GRIK5: variants seen among roughly 807,000 people sequenced by gnomAD.
The protein encoded by GRIK5 is glutamate ionotropic receptor kainate type subunit 5.
GRIK5 carries 43 observed loss-of-function variants against 97.4 expected under a neutral mutation model. The ratio of observed to expected loss-of-function variants is 0.44; its 90% CI spans 0.35 to 0.57. The LOEUF is 0.57. Ranked by LOEUF, GRIK5 falls within the 20% of genes least tolerant of loss-of-function variation. The pLI, the probability that GRIK5 is intolerant of heterozygous loss-of-function variation, is 0.01. For synonymous variants in GRIK5, 580 were observed against 583.5 expected, an observed-to-expected ratio of 0.99 and a Z score of 0.09; for missense variants, 1,015 against 1,382.0, an observed-to-expected ratio of 0.73 and a Z score of 4.21.
chr19:42,056,008 C>T (rs556585417), intron 8 of GRIK5, among the ~76,000 whole-genome samples: 19 of 144,338 alleles, frequency 1.3e-4, no homozygotes, highest in Admixed American at 1.2e-3. Context: ...TTTTTTGAGA[C>T]GGAGTCTCGC....
chr19:42,065,248 G>A lies in GRIK5; in HGVS notation c.219C>T (p.Asp73=). 6.2e-7 allele frequency: 1 copy of A among 1,612,808 alleles called. No individual in the cohort carries two copies. The highest frequency in any genetic ancestry group is 1.1e-5 in the South Asian group (1 of 90,968). The change falls in exon 3 of 20, where the codon GAC becomes GAT. Residue 73 remains aspartate (D), a synonymous_variant. Coordinates refer to ENST00000593562, the MANE Select transcript of GRIK5 (RefSeq NM_002088.5). This position sits in a 1 kb window ranked among gnomAD's most constrained non-coding sequence, Gnocchi z 5.8. ...TGGTGTCCGTGGTCTCGTACTGGCTGTCCCGCTGCAGCTCAAAGATGTCTA... is the reference window on the plus strand; with the variant it reads ...TGGTGTCCGTGGTCTCGTACTGGCTATCCCGCTGCAGCTCAAAGATGTCTA... ...VEVDIFELQR[D]SQYETTDTMC... is the part of the protein sequence containing the mutation.
Position 42,002,749 on chromosome 19 carries a change from T to C in GRIK5, c.2514+583A>G, listed in dbSNP as rs557417115. Among the ~76,000 whole-genome samples the C allele has an allele frequency of 9.9e-5, 15 of 152,252 alleles. No individual in the cohort carries two copies. The highest frequency in any genetic ancestry group is 3.6e-4 in the African/African-American group (15 of 41,536). On this transcript the variant is annotated intron_variant, in intron 19 of 19. Transcript: ENST00000593562. The surrounding 1 kb of genome is among the most constrained non-coding windows in gnomAD (Gnocchi z 5.2). ...ACACAGTGTGGGACCAGTCCAGGGC[T>C]GTGTCCTCTTCTGGTTCCCTCTGTC...
At chr19:42,057,975 C>A (rs2146159584) in intron 6 of GRIK5, among the ~76,000 whole-genome samples, 1 of 152,260 alleles carries the variant, frequency 6.6e-6, no homozygotes, top group Non-Finnish European at 1.5e-5. Flanking sequence ...GGGCTCTCAT[C>A]ACGTGGGTGT....
At chr19:42,030,664 A>G (rs1034883808) in intron 12 of GRIK5, among the ~76,000 whole-genome samples, 1 of 151,192 alleles carries the variant, frequency 6.6e-6, no homozygotes, top group African/African-American at 2.4e-5. Flanking sequence ...AGGTCCTGCT[A>G]TGTTGCTGAG....
chr19:42,011,552 C>CA lies in GRIK5; in HGVS notation c.1872-4743dup, dbSNP rs58029855. On this transcript the variant is annotated intron_variant, in intron 15 of 19. Transcript: ENST00000593562. The stretch of plus-strand genomic sequence containing the variant: ...TGGGGGACAGAGCGAGACTCCGTCT[C>CA]AAAAAAAAAAAAAAAAAGTATTTTG... 3.0e-3 allele frequency among the ~76,000 whole-genome samples: 192 copies of CA among 64,850 alleles called. 2 individuals are homozygous for CA. The highest frequency in any genetic ancestry group is 4.4e-3 in the African/African-American group (69 of 15,794). 42.5% of individuals were successfully genotyped at this position (64,850 alleles called of 152,430 possible). A position where few individuals can be genotyped will look rare whatever the true frequency, so the allele number is the denominator to read the frequency against.
At chr19:42,057,259 T>C (rs188665673) in intron 6 of GRIK5, among the ~76,000 whole-genome samples, 29 of 152,192 alleles carry the variant, frequency 1.9e-4, no homozygotes, top group African/African-American at 6.7e-4. Context: ...GAGATTTTGC[T>C]AGAGGAGAGA....
chr19:42,011,049 C>T (rs1472802134), intron 15 of GRIK5, among the ~76,000 whole-genome samples: 5 of 151,740 alleles, frequency 3.3e-5, no homozygotes, highest in Admixed American at 2.6e-4. Flanking sequence ...TCAAGGAATC[C>T]TCCAGCCTCG....
At chr19:42,048,340 G>T (rs1210537631) in intron 11 of GRIK5, among the ~76,000 whole-genome samples, 2 of 152,238 alleles carry the variant, frequency 1.3e-5, no homozygotes, top group African/African-American at 4.8e-5. Context: ...CTCACAATCA[G>T]GCTGGGCGCA....
chr19:42,028,219 T>C (rs1436100570), intron 12 of GRIK5, among the ~76,000 whole-genome samples: 1 of 152,040 alleles, frequency 6.6e-6, no homozygotes, highest in Non-Finnish European at 1.5e-5. Flanking sequence ...AGTTATTTAA[T>C]CTCTGAAATG....
chr19:42,007,975 G>A (rs576691158), intron 15 of GRIK5, among the ~76,000 whole-genome samples: 1 of 151,770 alleles, frequency 6.6e-6, no homozygotes, highest in African/African-American at 2.4e-5. Flanking sequence ...TCCAGAAAAA[G>A]TTTATAAATA....
At chr19:42,054,537 G>T in intron 8 of GRIK5, 65 bp from the exon 9 acceptor site, 1 of 1,566,214 alleles carries the variant, frequency 6.4e-7, no homozygotes, top group Admixed American at 1.7e-5. Flanking sequence ...AGCCCCAAAG[G>T]CCCCTGAGCT....
At chr19:42,045,657 T>C (rs1319846860) in intron 11 of GRIK5, among the ~76,000 whole-genome samples, 1 of 152,176 alleles carries the variant, frequency 6.6e-6, no homozygotes, top group Non-Finnish European at 1.5e-5. Flanking sequence ...GGGCAGTCAG[T>C]GATTCTCTAT....
rs2075444861 is a variant in GRIK5 at position 42,003,240 on chromosome 19, C to T, written c.2514+92G>A. 4 of 1,205,226 alleles carry T rather than the reference C, an allele frequency of 3.3e-6. No individual in the cohort carries two copies. Among genetic ancestry groups the T allele is most frequent in the Non-Finnish European group, 1.2e-6 (1 of 836,202 alleles). 74.7% of individuals were successfully genotyped at this position (1,205,226 alleles called of 1,614,324 possible). Reference sequence around the variant, plus strand: ...GCCCCCTTCTCGCGATCCCCACCACCCTCCAGGTATGGCTCCCAATGCCAC... The same window carrying T: ...GCCCCCTTCTCGCGATCCCCACCACTCTCCAGGTATGGCTCCCAATGCCAC... On this transcript the variant is annotated intron_variant, in intron 19 of 19. Coordinates refer to ENST00000593562, the MANE Select transcript of GRIK5 (RefSeq NM_002088.5). The surrounding 1 kb of genome is among the most constrained non-coding windows in gnomAD (Gnocchi z 4.2).
At chr19:42,057,492 T>C (rs1261231699) in intron 6 of GRIK5, among the ~76,000 whole-genome samples, 1 of 151,962 alleles carries the variant, frequency 6.6e-6, no homozygotes, top group African/African-American at 2.4e-5. Flanking sequence ...CCACCTCAGC[T>C]CCTGAGTACC....
rs549368400 is a variant in GRIK5, at chr19:42,021,625, G to A, written c.1698-151C>T. 7 of 635,726 alleles carry A rather than the reference G, an allele frequency of 1.1e-5. No homozygotes were observed. Among genetic ancestry groups the A allele is most frequent in the Middle Eastern group, 6.3e-4 (2 of 3,150 alleles). The allele number at this position is 635,726 out of a possible 1,614,324, so 39.4% of individuals were successfully genotyped here. On this transcript the variant is annotated intron_variant, in intron 14 of 19. Coordinates refer to ENST00000593562, the MANE Select transcript of GRIK5 (RefSeq NM_002088.5). This position sits in a 1 kb window ranked among gnomAD's most constrained non-coding sequence, Gnocchi z 4.2. ...CAGAAGCACACAGAGAAAAGGCAGA[G>A]AGAGATGCACAGAGATGGAGACAGA...
chr19:42,004,167 T>C (rs1292700173), intron 17 of GRIK5, among the ~76,000 whole-genome samples: 1 of 152,172 alleles, frequency 6.6e-6, no homozygotes, highest in East Asian at 1.9e-4. Flanking sequence ...TCCCTGTCAG[T>C]GTCTTCCCTT....
At position 42,006,254 on chromosome 19, in the gene GRIK5, G is replaced by T. The variant is rs554891928; in HGVS notation, c.2038-306C>A. Among the ~76,000 whole-genome samples, 6 of 152,184 alleles carry T rather than the reference G, an allele frequency of 3.9e-5. No homozygotes were observed. The South Asian group carries it at 1.2e-3, about 32-fold the overall frequency. On this transcript the variant is annotated intron_variant, in intron 16 of 19. Coordinates refer to ENST00000593562, the MANE Select transcript of GRIK5 (RefSeq NM_002088.5). This position sits in a 1 kb window ranked among gnomAD's most constrained non-coding sequence, Gnocchi z 5.3. ...AACTCAGGCCTCCTTTAGACCACTA[G>T]GACCTCCCTGCCAAGCTTGCTTTCC... is the stretch of plus-strand genomic sequence containing the variant.
At chr19:42,020,173 C>G (rs1599767437) in intron 15 of GRIK5, among the ~76,000 whole-genome samples, 1 of 152,110 alleles carries the variant, frequency 6.6e-6, no homozygotes, top group African/African-American at 2.4e-5. Flanking sequence ...AGTGTCCAAG[C>G]CAGTGGACCA....
intron 12 of GRIK5, among the ~76,000 whole-genome samples, chr19:42,034,896 C>G (rs1191780997): frequency 2.6e-5 from 4 of 152,160 alleles, no homozygotes; most frequent in Non-Finnish European, 5.9e-5. Context: ...CACCTCTGCT[C>G]ATTACATTGC....
Sources: allele counts gnomAD v4.1 joint callset (sites outside exome capture counted in the v4.1 genomes callset), GRCh38; gene constraint gnomAD v4.1.1; non-coding constraint Gnocchi (gnomAD v3.1); transcripts MANE v1.5; gene names NCBI Gene and HGNC (gene_info 2026-07-23, HGNC 2026-07-21).